The following LOXHD1 variants were observed in gnomAD, a reference collection of about 807,000 sequenced individuals.
The protein encoded by LOXHD1 is lipoxygenase homology PLAT domains 1, also known as lipoxygenase homology domain-containing protein 1.
Under a neutral mutation model 248.2 loss-of-function variants are expected in LOXHD1, and 205 were observed. That is an observed-to-expected ratio of 0.83 (90% CI 0.74 to 0.93). LOXHD1 has a LOEUF of 0.93. Ranked by LOEUF, LOXHD1 falls within the 40% of genes least tolerant of loss-of-function variation. The pLI, the probability that LOXHD1 is intolerant of heterozygous loss-of-function variation, is 0.00. For missense variants in LOXHD1, 2,930 were observed against 2,971.6 expected, an observed-to-expected ratio of 0.99 and a Z score of 0.33; for synonymous variants, 1,113 against 1,162.8, an observed-to-expected ratio of 0.96 and a Z score of 0.87.
chr18:46,577,001 G>A (rs1254370108), intron 14 of LOXHD1, among the ~76,000 whole-genome samples: 2 of 152,166 alleles, frequency 1.3e-5, no homozygotes, highest in East Asian at 3.8e-4. Context: ...CTAATAAAGT[G>A]GACACATAGC....
rs144702623 is a variant in LOXHD1 at position 46,649,506 on chromosome 18, G to A, written c.131-237C>T. On this transcript the variant is annotated intron_variant, in intron 1 of 40. Transcript: ENST00000642948. Reference sequence around the variant, plus strand: ...GCACACGAGGAGGCTGAGGGCAAGAGGGCAGGTCCTGCACGTTATCAACAC... The same window carrying A: ...GCACACGAGGAGGCTGAGGGCAAGAAGGCAGGTCCTGCACGTTATCAACAC... Among the ~76,000 whole-genome samples, 890 of 152,302 alleles carry A rather than the reference G, an allele frequency of 5.8e-3. 7 individuals carry two copies. Among genetic ancestry groups the A allele is most frequent in the African/African-American group, 0.02 (836 of 41,562 alleles).
rs2037464897 is a variant in LOXHD1 at position 46,559,534 on chromosome 18, G to A, written c.3130C>T (p.Leu1044=). The change falls in exon 20 of 41, where the codon CTA becomes TTA. Residue 1044 remains leucine, a synonymous_variant. Transcript: ENST00000642948. Reference sequence around the variant, plus strand: ...CCATACTCCTCGCCGTAGATGGTTAGGTAGACGTTAGCATCAGTGCCGGCC... The same window carrying A: ...CCATACTCCTCGCCGTAGATGGTTAAGTAGACGTTAGCATCAGTGCCGGCC... ...PKAGTDANVY[L]TIYGEEYGDT... 1 of 1,552,004 alleles carries A rather than the reference G, an allele frequency of 6.4e-7. No individual in the cohort carries two copies. Among genetic ancestry groups the A allele is most frequent in the South Asian group, 1.2e-5 (1 of 84,068 alleles).
intron 6 of LOXHD1, among the ~76,000 whole-genome samples, chr18:46,608,856 A>T (rs1455512949): frequency 6.6e-6 from 1 of 152,182 alleles, no homozygotes; most frequent in Non-Finnish European, 1.5e-5. Context: ...TTTCAGACTA[A>T]TTATGAAAAC....
At chr18:46,616,081 A>T (rs1468235285) in intron 5 of LOXHD1, among the ~76,000 whole-genome samples, 1 of 152,192 alleles carries the variant, frequency 6.6e-6, no homozygotes, top group East Asian at 1.9e-4. Flanking sequence ...TCTGTATCAT[A>T]TACTGTATTT....
intron 16 of LOXHD1, 86 bp downstream of exon 16, chr18:46,569,356 G>T: frequency 1.7e-6 from 2 of 1,144,734 alleles, no homozygotes; most frequent in Non-Finnish European, 2.5e-6. Flanking sequence ...GTGTCTGTGT[G>T]TGGACATATG....
chr18:46,550,963 T>C lies in LOXHD1; in HGVS notation c.3351-3905A>G, dbSNP rs2037073099. Among the ~76,000 whole-genome samples, 3 of 152,208 alleles carry C rather than the reference T, an allele frequency of 2.0e-5. No homozygotes were observed. In the South Asian group the frequency reaches 6.2e-4, roughly 31 times the overall value. On this transcript the variant is annotated intron_variant, in intron 21 of 40. Coordinates refer to ENST00000642948, the MANE Select transcript of LOXHD1 (RefSeq NM_001384474.1). ...CATGAATGCAGAGTCTGCTTACTCA[T>C]TGTTGTATCCACATCCCCTGGCATA...
intron 14 of LOXHD1, among the ~76,000 whole-genome samples, chr18:46,576,175 G>C (rs2037850254): frequency 6.6e-6 from 1 of 152,240 alleles, no homozygotes; most frequent in African/African-American, 2.4e-5. Context: ...TGAGGACAGG[G>C]AGTAAGTATA....
intron 21 of LOXHD1, among the ~76,000 whole-genome samples, chr18:46,552,254 A>AAAAACAAAAC (rs773227330): frequency 3.3e-5 from 5 of 152,332 alleles, no homozygotes; most frequent in Middle Eastern, 3.4e-3. Flanking sequence ...GAGGCAGTAA[A>AAAAACAAAAC]AAAACAAAAC....
At position 46,560,236 on chromosome 18, in the gene LOXHD1, T is replaced by C. The variant is rs528203906; in HGVS notation, c.2908A>G (p.Met970Val). The C allele has an allele frequency of 1.6e-5, 25 of 1,549,926 alleles. No homozygotes were observed. In the African/African-American group the frequency reaches 3.1e-4, roughly 20 times the overall value. Residue 970 changes from methionine to valine, a missense_variant, in exon 19 of 41, where the codon ATG becomes GTG. Physicochemically the swap from Met to Val is conservative, Grantham distance 21 (BLOSUM62 1). Transcript: ENST00000642948. The stretch of plus-strand genomic sequence containing the variant: ...TCCTCCTCTTCCTCCTCTTCTTCCA[T>C]CTCCTCCTCCTCTGACGAGGACTCC... Reference protein sequence around the residue: ...SEESSSEEEEMEEEEEEEEFG... With the variant: ...SEESSSEEEEVEEEEEEEEFG...
At chr18:46,582,423 A>AT (rs1203130256) in intron 12 of LOXHD1, among the ~76,000 whole-genome samples, 1 of 152,194 alleles carries the variant, frequency 6.6e-6, no homozygotes, top group Non-Finnish European at 1.5e-5. Context: ...CAAAAATATG[A>AT]TTAAAAAAAC....
At chr18:46,650,520 A>C (rs1358899380) in intron 1 of LOXHD1, among the ~76,000 whole-genome samples, 2 of 152,184 alleles carry the variant, frequency 1.3e-5, no homozygotes, top group Non-Finnish European at 2.9e-5. Flanking sequence ...ATCACGGTAA[A>C]CCTATAGTTA....
At chr18:46,578,151 C>T (rs2037895585) in intron 13 of LOXHD1, among the ~76,000 whole-genome samples, 2 of 152,224 alleles carry the variant, frequency 1.3e-5, no homozygotes, top group South Asian at 4.1e-4. Context: ...AATCATTTAT[C>T]ATGAGCTAAT....
intron 4 of LOXHD1, among the ~76,000 whole-genome samples, chr18:46,626,382 C>T (rs2144346829): frequency 6.6e-6 from 1 of 152,164 alleles, no homozygotes; most frequent in South Asian, 2.1e-4. Context: ...TAATAAAAAA[C>T]ACAAAATTTG....
intron 37 of LOXHD1, among the ~76,000 whole-genome samples, 152 bp from the exon 38 acceptor site, chr18:46,489,294 T>C (rs1300308224): frequency 6.6e-6 from 1 of 152,148 alleles, no homozygotes; most frequent in African/African-American, 2.4e-5. Flanking sequence ...AGTGAGGGGT[T>C]GGGTTAGGTG....
At chr18:46,615,872 T>C (rs2038579039) in intron 5 of LOXHD1, among the ~76,000 whole-genome samples, 1 of 152,224 alleles carries the variant, frequency 6.6e-6, no homozygotes, top group African/African-American at 2.4e-5. Flanking sequence ...GGGAATATGT[T>C]GTTAAGTTTA....
At position 46,651,848 on chromosome 18, in the gene LOXHD1, A is replaced by G. The variant is rs149443528; in HGVS notation, c.131-2579T>C. ...CAATGGGCAACAAGTTTTTAAGAAG[A>G]TAAGTGTACACTTAATACCCAGAAA... On this transcript the variant is annotated intron_variant, in intron 1 of 40. Coordinates refer to ENST00000642948, the MANE Select transcript of LOXHD1 (RefSeq NM_001384474.1). 2.8e-3 allele frequency among the ~76,000 whole-genome samples: 421 copies of G among 152,310 alleles called. 4 individuals carry two copies. The highest frequency in any genetic ancestry group is 9.4e-3 in the African/African-American group (391 of 41,562).
chr18:46,507,515 G>T, intron 36 of LOXHD1, 23 bp downstream of exon 36: 1 of 1,551,448 alleles, frequency 6.4e-7, no homozygotes, highest in South Asian at 1.2e-5. Flanking sequence ...GGGAGCGGGA[G>T]GTGTGAGGGA....
intron 28 of LOXHD1, among the ~76,000 whole-genome samples, chr18:46,531,093 A>G (rs1052295500): frequency 9.9e-4 from 146 of 148,060 alleles, no homozygotes; most frequent in African/African-American, 3.4e-3. Context: ...CTTCTCCCCA[A>G]CCATCTTCCT....
At chr18:46,531,238 T>C (rs1169332866) in intron 28 of LOXHD1, among the ~76,000 whole-genome samples, 1 of 151,840 alleles carries the variant, frequency 6.6e-6, no homozygotes, top group African/African-American at 2.4e-5. Flanking sequence ...CCCACCCCAC[T>C]CTGCCCCACT....
Sources: gnomAD v4.1 joint callset for allele counts (sites outside exome capture counted in the v4.1 genomes callset) on GRCh38, gnomAD v4.1.1 for gene constraint, MANE v1.5 for transcripts, NCBI Gene and HGNC (gene_info 2026-07-23, HGNC 2026-07-21) for gene names.